Variants in TERB2 observed in about 807,000 individuals in gnomAD.
The protein encoded by TERB2 is telomere repeats-binding bouquet formation protein 2.
A neutral mutation model predicts 29.8 loss-of-function variants in TERB2; 26 were observed. That is an observed-to-expected ratio of 0.87 (90% CI 0.64 to 1.21). TERB2 has a LOEUF of 1.21. Ranked by LOEUF, TERB2 falls within the 50% of genes most tolerant of loss-of-function variation. The pLI, the probability that TERB2 is intolerant of heterozygous loss-of-function variation, is 0.00. For missense variants in TERB2, 240 were observed against 268.6 expected, an observed-to-expected ratio of 0.89 and a Z score of 0.74; for synonymous variants, 80 against 90.8, an observed-to-expected ratio of 0.88 and a Z score of 0.68.
intron 4 of TERB2, chr15:44,963,065 A>G (rs1175734271): frequency 6.6e-6 from 1 of 152,254 alleles, no homozygotes; most frequent in African/African-American, 2.4e-5. Context: ...GCTGGTAAAT[A>G]TAGAAAGAAA....
chr15:44,971,864 G>C (rs1891976391), intron 5 of TERB2, among the ~76,000 whole-genome samples: 1 of 149,214 alleles, frequency 6.7e-6, no homozygotes, highest in Admixed American at 6.7e-5. Context: ...TTATTGTTTG[G>C]CCAGAATTAA....
At position 44,958,498 on chromosome 15, in the gene TERB2, C is replaced by A. The variant is rs1181743604; in HGVS notation, c.272C>A (p.Ala91Glu). Residue 91 changes from alanine to glutamate, a missense_variant, in exon 3 of 7, where the codon GCG (alanine) becomes GAG (glutamate). Transcript: ENST00000340827. ...TTGGGTCATTTCATTCTTCCTCCTG[C>A]GTGCCTGCAAAAAGGTTAGCAAAGA... ...VALGHFILPP[A>E]CLQKEIRRKI... 1 of 1,611,574 alleles carries A rather than the reference C, an allele frequency of 6.2e-7. No individual in the cohort carries two copies. The highest frequency in any genetic ancestry group is 8.5e-7 in the Non-Finnish European group (1 of 1,178,706).
intron 5 of TERB2, among the ~76,000 whole-genome samples, chr15:44,973,396 A>C (rs1246350226): frequency 6.6e-6 from 1 of 152,216 alleles, no homozygotes; most frequent in Non-Finnish European, 1.5e-5. Flanking sequence ...AAAAAGACCC[A>C]GGACTCTATA....
At chr15:44,959,877 A>G (rs903509757) in intron 3 of TERB2, among the ~76,000 whole-genome samples, 3 of 152,228 alleles carry the variant, frequency 2.0e-5, no homozygotes, top group Non-Finnish European at 2.9e-5. Flanking sequence ...AAAAGAAAAC[A>G]AACAACTTAA....
At chr15:44,961,657 A>G (rs1891805834) in intron 4 of TERB2, 73 bp downstream of exon 4, 2 of 1,064,762 alleles carry the variant, frequency 1.9e-6, no homozygotes, top group East Asian at 2.5e-5. Flanking sequence ...TATCTTTAAA[A>G]TGTTTATTTG....
Position 44,966,833 on chromosome 15 carries a change from G to A in TERB2, c.434+590G>A, listed in dbSNP as rs543327314. Among the ~76,000 whole-genome samples the A allele has an allele frequency of 5.3e-5, 8 of 152,186 alleles. No homozygotes were observed. The South Asian group carries it at 8.3e-4, about 16-fold the overall frequency. On this transcript the variant is annotated intron_variant, in intron 5 of 6. Coordinates refer to ENST00000340827, the MANE Select transcript of TERB2 (RefSeq NM_152448.3). Reference sequence around the variant, plus strand: ...AGAAATTAAATTTGGGCATTGTGCCGCATGCTTGTAATCTCAGCACTTAGG... The same window carrying A: ...AGAAATTAAATTTGGGCATTGTGCCACATGCTTGTAATCTCAGCACTTAGG...
At position 44,966,007 on chromosome 15, in the gene TERB2, A is replaced by T. The variant is rs72722045; in HGVS notation, c.349-151A>T. ...GGAAAAAATTTTGTAAATTTTCTTC[A>T]CTCAGCTAGATTGAGTGGACTTAAA... On this transcript the variant is annotated intron_variant, in intron 4 of 6. Coordinates refer to ENST00000340827, the MANE Select transcript of TERB2 (RefSeq NM_152448.3). 39,456 of 383,122 alleles carry T rather than the reference A, an allele frequency of 0.1. 2,549 individuals are homozygous for T. Among genetic ancestry groups the T allele is most frequent in the Middle Eastern group, 0.16 (223 of 1,436 alleles). 23.7% of individuals were successfully genotyped at this position (383,122 alleles called of 1,614,324 possible).
chr15:44,977,168 G>A (rs1892059632), intron 6 of TERB2, among the ~76,000 whole-genome samples: 1 of 152,024 alleles, frequency 6.6e-6, no homozygotes, highest in Non-Finnish European at 1.5e-5. Context: ...AATCATAGCT[G>A]GTTCTAATTA....
chr15:44,978,380 T>C (rs1170943669), intron 6 of TERB2, 109 bp from the exon 7 acceptor site: 2 of 1,304,440 alleles, frequency 1.5e-6, no homozygotes, highest in Non-Finnish European at 2.0e-6. Flanking sequence ...TTACTTCTTT[T>C]CTAAAAACAT....
At chr15:44,975,687 T>G (rs1892035922) in intron 6 of TERB2, among the ~76,000 whole-genome samples, 1 of 152,006 alleles carries the variant, frequency 6.6e-6, no homozygotes, top group South Asian at 2.1e-4. Flanking sequence ...ATCTGCCCAC[T>G]AGATACCAAT....
intron 4 of TERB2, among the ~76,000 whole-genome samples, chr15:44,965,162 C>CAAAAAAAAAAAA (rs66756472): frequency 2.0e-5 from 1 of 48,814 alleles, no homozygotes; most frequent in Non-Finnish European, 3.3e-5. Context: ...GACTCTGTCT[C>CAAAAAAAAAAAA]AAAAAAAAAA....
chr15:44,960,178 T>C (rs1042107767), intron 3 of TERB2, among the ~76,000 whole-genome samples: 7 of 152,246 alleles, frequency 4.6e-5, no homozygotes, highest in African/African-American at 1.7e-4. Flanking sequence ...GTTTAGCATC[T>C]TATGTTAACA....
chr15:44,972,287 G>A (rs1891983727), intron 5 of TERB2, among the ~76,000 whole-genome samples: 1 of 151,838 alleles, frequency 6.6e-6, no homozygotes, highest in Non-Finnish European at 1.5e-5. Flanking sequence ...TACTGCACCA[G>A]GCCTTAAAAA....
At chr15:44,962,242 T>G (rs1045983050) in intron 4 of TERB2, among the ~76,000 whole-genome samples, 1 of 147,828 alleles carries the variant, frequency 6.8e-6, no homozygotes, top group Non-Finnish European at 1.5e-5. Flanking sequence ...AGTGCAGTGG[T>G]GCGATCTCGG....
At position 44,961,651 on chromosome 15, in the gene TERB2, T is replaced by G. The variant is rs920482652; in HGVS notation, c.348+67T>G. ...AACATTTTCTGAAAGCAAGGTTATC[T>G]TTAAAATGTTTATTTGTGACATGTT... On this transcript the variant is annotated intron_variant, in intron 4 of 6. Coordinates refer to ENST00000340827, the MANE Select transcript of TERB2 (RefSeq NM_152448.3). The G allele has an allele frequency of 3.5e-5, 38 of 1,074,262 alleles. No individual in the cohort carries two copies. In the African/African-American group the frequency reaches 6.2e-4, roughly 17 times the overall value. The allele number at this position is 1,074,262 out of a possible 1,614,324, so 66.5% of individuals were successfully genotyped here.
Position 44,956,991 on chromosome 15 carries a change from C to T in TERB2, c.146+14C>T. 6.2e-7 allele frequency: 1 copy of T among 1,604,544 alleles called. No individual in the cohort carries two copies. The highest frequency in any genetic ancestry group is 8.5e-7 in the Non-Finnish European group (1 of 1,173,244). On this transcript the variant is annotated intron_variant, in intron 2 of 6. Transcript: ENST00000340827. The stretch of plus-strand genomic sequence containing the variant: ...AGACACGCTGAGGTACTGAGGGCGA[C>T]CTGGCAGTGCCTCTTATGTTAGGAT...
chr15:44,977,098 A>AACAC (rs373706136), intron 6 of TERB2, among the ~76,000 whole-genome samples: 12 of 148,892 alleles, frequency 8.1e-5, no homozygotes, highest in Admixed American at 5.4e-4. Flanking sequence ...ACCCTGTCAA[A>AACAC]ACACACACAC....
At chr15:44,961,862 G>A (rs1891809042) in intron 4 of TERB2, among the ~76,000 whole-genome samples, 1 of 152,054 alleles carries the variant, frequency 6.6e-6, no homozygotes. Context: ...ACCACGCCCG[G>A]CTAATTTTTT....
chr15:44,973,130 C>T (rs1891995591), intron 5 of TERB2, among the ~76,000 whole-genome samples: 1 of 152,120 alleles, frequency 6.6e-6, no homozygotes, highest in Non-Finnish European at 1.5e-5. Flanking sequence ...ATCCACCTGC[C>T]TCGGCCTCCC....
Sources: gnomAD v4.1 joint callset for allele counts (sites outside exome capture counted in the v4.1 genomes callset) on GRCh38, gnomAD v4.1.1 for gene constraint, MANE v1.5 for transcripts, NCBI Gene and HGNC (gene_info 2026-07-23, HGNC 2026-07-21) for gene names.